XKR4: variants seen among roughly 807,000 people sequenced by gnomAD.
XKR4 encodes XK-related protein 4.
XKR4 carries 12 observed loss-of-function variants against 53.9 expected under a neutral mutation model. That is an observed-to-expected ratio of 0.22 (90% CI 0.14 to 0.36). The LOEUF (loss-of-function observed/expected upper bound fraction) is 0.36, where lower values mean the gene tolerates loss of function less well. Among genes scored for constraint, XKR4 ranks in the 10% least tolerant of loss-of-function variants. XKR4 has a pLI of 1.00. For missense variants in XKR4, 799 were observed against 859.5 expected, an observed-to-expected ratio of 0.93 and a Z score of 0.88; for synonymous variants, 354 against 362.4, an observed-to-expected ratio of 0.98 and a Z score of 0.26.
chr8:55,443,302 T>C (rs1015492767), intron 2 of XKR4, among the ~76,000 whole-genome samples: 11 of 151,788 alleles, frequency 7.2e-5, no homozygotes, highest in Non-Finnish European at 1.3e-4. Flanking sequence ...TTTGAATATA[T>C]ATTACTATAT....
chr8:55,443,072 A>C (rs1034942727), intron 2 of XKR4, among the ~76,000 whole-genome samples: 3 of 152,252 alleles, frequency 2.0e-5, no homozygotes, highest in African/African-American at 7.2e-5. Flanking sequence ...TGAATTCTAT[A>C]AACTTTAACA....
intron 1 of XKR4, among the ~76,000 whole-genome samples, chr8:55,274,526 G>A (rs937099723): frequency 5.3e-5 from 8 of 151,504 alleles, no homozygotes; most frequent in African/African-American, 1.7e-4. Context: ...TCCGCCTCCC[G>A]GGTTCAAGCA....
chr8:55,482,384 TG>T (rs895539790), intron 2 of XKR4, among the ~76,000 whole-genome samples: 1 of 151,788 alleles, frequency 6.6e-6, no homozygotes, highest in Non-Finnish European at 1.5e-5. Context: ...CATCACACTC[TG>T]GGGACTGTTA....
At chr8:55,500,800 A>T (rs905356175) in intron 2 of XKR4, among the ~76,000 whole-genome samples, 1 of 152,214 alleles carries the variant, frequency 6.6e-6, no homozygotes, top group Admixed American at 6.5e-5. Context: ...TCCCTATTCC[A>T]CAAATGAGAA....
At position 55,454,898 on chromosome 8, in the gene XKR4, G is replaced by T. The variant is rs565886695; in HGVS notation, c.1007-68383G>T. 6.5e-6 allele frequency: 5 copies of T among 767,290 alleles called. No individual in the cohort carries two copies. In the African/African-American group the frequency reaches 6.8e-5, roughly 10 times the overall value. 47.5% of individuals were successfully genotyped at this position (767,290 alleles called of 1,614,324 possible). A position where few individuals can be genotyped will look rare whatever the true frequency, so the allele number is the denominator to read the frequency against. ...CGCGTGTCGTTTCCTGCTCCCAGAA[G>T]GTCAAGCAGCACAGTAGTGGCGCCC... On this transcript the variant is annotated intron_variant, in intron 2 of 2. Transcript: ENST00000327381.
intron 1 of XKR4, among the ~76,000 whole-genome samples, chr8:55,303,585 G>T (rs559045852): frequency 6.6e-6 from 1 of 152,056 alleles, no homozygotes; most frequent in Non-Finnish European, 1.5e-5. Flanking sequence ...CCAGCTCCTC[G>T]TTGTACCTCT....
chr8:55,192,924 G>C (rs79869825), intron 1 of XKR4, among the ~76,000 whole-genome samples: 31 of 152,242 alleles, frequency 2.0e-4, no homozygotes, highest in African/African-American at 7.5e-4. Flanking sequence ...GAGTGAGGCT[G>C]TGTGGATGTG....
chr8:55,521,910 A>G (rs1806803403), intron 2 of XKR4, among the ~76,000 whole-genome samples: 1 of 152,242 alleles, frequency 6.6e-6, no homozygotes, highest in East Asian at 1.9e-4. Flanking sequence ...CCAAAAGAAG[A>G]GAAAGGCTTT....
At chr8:55,169,146 A>G (rs1044314534) in intron 1 of XKR4, among the ~76,000 whole-genome samples, 3 of 152,256 alleles carry the variant, frequency 2.0e-5, no homozygotes, top group African/African-American at 7.2e-5. Flanking sequence ...ATGATTCAAT[A>G]CTTTCATATT....
intron 2 of XKR4, among the ~76,000 whole-genome samples, chr8:55,437,772 A>G (rs1290531308): frequency 1.3e-5 from 2 of 152,220 alleles, no homozygotes; most frequent in South Asian, 2.1e-4. Flanking sequence ...GGTGATTTAG[A>G]TATGTGAACA....
intron 2 of XKR4, among the ~76,000 whole-genome samples, chr8:55,492,953 G>C (rs906141227): frequency 7.2e-5 from 11 of 152,330 alleles, no homozygotes; most frequent in African/African-American, 2.6e-4. Flanking sequence ...GCCTTACAAA[G>C]CTGTGGCTCA....
chr8:55,128,342 A>G (rs888006924), intron 1 of XKR4, among the ~76,000 whole-genome samples: 4 of 152,230 alleles, frequency 2.6e-5, no homozygotes, highest in African/African-American at 9.6e-5. Context: ...AAGCAGGGCC[A>G]GTGCTCTACT....
chr8:55,333,686 C>G (rs976935977), intron 1 of XKR4, among the ~76,000 whole-genome samples: 1 of 152,070 alleles, frequency 6.6e-6, no homozygotes, highest in African/African-American at 2.4e-5. Flanking sequence ...AGCTGTGCCA[C>G]TTTTGGAAGT....
rs1585619411 is a variant in XKR4, at chr8:55,524,409, A to C, written c.*182A>C. ...GCTGGTCTCCTTCCAAAGCAGCTGC[A>C]CCCGAGAGTCTCTGACTCCACCTGA... On this transcript the variant is annotated 3_prime_UTR_variant, in exon 3 of 3. Coordinates refer to ENST00000327381, the MANE Select transcript of XKR4 (RefSeq NM_052898.2). The C allele has an allele frequency of 1.6e-6, 1 of 628,434 alleles. No homozygotes were observed. The allele number at this position is 628,434 out of a possible 1,614,324, so 38.9% of individuals were successfully genotyped here.
intron 1 of XKR4, among the ~76,000 whole-genome samples, chr8:55,275,224 T>C (rs987031708): frequency 3.3e-5 from 5 of 152,130 alleles, no homozygotes; most frequent in Non-Finnish European, 5.9e-5. Flanking sequence ...AAATGTCTAA[T>C]AATGGTTTTT....
chr8:55,191,786 T>G (rs1054236683), intron 1 of XKR4, among the ~76,000 whole-genome samples: 1 of 152,024 alleles, frequency 6.6e-6, no homozygotes, highest in African/African-American at 2.4e-5. Flanking sequence ...ACTATTACAT[T>G]CTTGACAAAG....
chr8:55,380,894 C>T (rs894900151), intron 2 of XKR4, among the ~76,000 whole-genome samples: 2 of 152,216 alleles, frequency 1.3e-5, no homozygotes, highest in Admixed American at 6.5e-5. Context: ...CAAACTAGGT[C>T]ATCTCTGAAT....
In XKR4 at chr8:55,537,462, T is replaced by C. The variant is rs1051908667; in HGVS notation, c.*13235T>C. 1 of 152,234 alleles carries C rather than the reference T, an allele frequency of 6.6e-6. No homozygotes were observed. Among genetic ancestry groups the C allele is most frequent in the African/African-American group, 2.4e-5 (1 of 41,454 alleles). The allele number at this position is 152,234 out of a possible 1,614,324, so 9.4% of individuals were successfully genotyped here. A position where few individuals can be genotyped will look rare whatever the true frequency, so the allele number is the denominator to read the frequency against. ...CTTAGCAGAAAAACAGACAAGCTAT[T>C]CAGACCAGTTTTCTTTAAGAGCACT... On this transcript the variant is annotated 3_prime_UTR_variant, in exon 3 of 3. Transcript: ENST00000327381.
At chr8:55,218,131 A>G (rs1156976702) in intron 1 of XKR4, among the ~76,000 whole-genome samples, 1 of 152,252 alleles carries the variant, frequency 6.6e-6, no homozygotes, top group Non-Finnish European at 1.5e-5. Context: ...AGTAAGCTAC[A>G]TATTACTTTA....
Sources: allele counts gnomAD v4.1 joint callset (sites outside exome capture counted in the v4.1 genomes callset), GRCh38; gene constraint gnomAD v4.1.1; transcripts MANE v1.5; gene names NCBI Gene and HGNC (gene_info 2026-07-23, HGNC 2026-07-21).